Variants in XPA observed in about 807,000 individuals in gnomAD.
XPA encodes XPA, DNA damage recognition and repair factor, also known as DNA repair protein complementing XP-A cells.
A neutral mutation model predicts 35.7 loss-of-function variants in XPA; 27 were observed. That is an observed-to-expected ratio of 0.76 (90% CI 0.56 to 1.04). The LOEUF (loss-of-function observed/expected upper bound fraction) is 1.04, where lower values mean the gene tolerates loss of function less well. XPA is among the 50% of genes least tolerant of loss of function. The pLI is 0.00. For missense variants in XPA, 354 were observed against 342.7 expected, an observed-to-expected ratio of 1.03 and a Z score of -0.26; for synonymous variants, 133 against 118.4, an observed-to-expected ratio of 1.12 and a Z score of -0.80.
chr9:97,683,038 A>G (rs1828594055), intron 5 of XPA, among the ~76,000 whole-genome samples: 1 of 152,196 alleles, frequency 6.6e-6, no homozygotes, highest in African/African-American at 2.4e-5. Context: ...CCCTCGTTTT[A>G]AAAAATATTT....
intron 2 of XPA, among the ~76,000 whole-genome samples, chr9:97,693,167 A>C (rs1828943299): frequency 1.3e-5 from 2 of 152,140 alleles, no homozygotes; most frequent in Non-Finnish European, 2.9e-5. Flanking sequence ...CTCACTGTGA[A>C]GATATGTGTA....
downstream of XPA, among the ~76,000 whole-genome samples, chr9:97,674,630 T>G (rs1203663024): frequency 6.6e-6 from 1 of 152,140 alleles, no homozygotes; most frequent in Non-Finnish European, 1.5e-5. Flanking sequence ...GATGTGAGAC[T>G]TCACCTTCCT....
the XPA span, chr9:97,664,440 C>T: frequency 6.3e-7 from 1 of 1,586,878 alleles, no homozygotes; most frequent in Non-Finnish European, 8.6e-7. Flanking sequence ...CGTGACTTTA[C>T]CAGGTAATAT....
chr9:97,656,185 C>A, the XPA span: 1 of 950,844 alleles, frequency 1.1e-6, no homozygotes. Flanking sequence ...TCAAAATCCA[C>A]TTACTCATCT....
the XPA span, chr9:97,664,453 AT>A: frequency 6.4e-7 from 1 of 1,558,910 alleles, no homozygotes; most frequent in Non-Finnish European, 8.8e-7. Flanking sequence ...GGTAATATAA[AT>A]TATTTTATGA....
Position 97,697,106 on chromosome 9 carries a change from G to A in XPA, c.172+15C>T, listed in dbSNP as rs1047926343. ...GCGGGGAGAGGGAAGGGGAAAGCGCGGACGCGGCCCAAACCTCCAGTAGCC... is the reference window on the plus strand; with the variant it reads ...GCGGGGAGAGGGAAGGGGAAAGCGCAGACGCGGCCCAAACCTCCAGTAGCC... On this transcript the variant is annotated intron_variant, in intron 1 of 5. Transcript: ENST00000375128. The A allele has an allele frequency of 2.6e-6, 4 of 1,530,274 alleles. No individual in the cohort carries two copies. The highest frequency in any genetic ancestry group is 2.5e-5 in the East Asian group (1 of 40,164). The allele number at this position is 1,530,274 out of a possible 1,614,324, so 94.8% of individuals were successfully genotyped here. A position where few individuals can be genotyped will look rare whatever the true frequency, so the allele number is the denominator to read the frequency against.
downstream of XPA, chr9:97,671,372 A>G (rs374209045): frequency 3.7e-6 from 2 of 544,868 alleles, no homozygotes; most frequent in East Asian, 6.2e-5. Context: ...CCTGAAAAGC[A>G]AATACTTCCT....
rs979730863 is a variant in XPA at position 97,675,241 on chromosome 9, C to T, written c.*198G>A. On this transcript the variant is annotated 3_prime_UTR_variant, in exon 6 of 6. Transcript: ENST00000375128. ...GCAATCACAGACATGACATTGTGCA[C>T]ACAACCAGGCCAGGTGACCTTCACT... 10 of 695,172 alleles carry T rather than the reference C, an allele frequency of 1.4e-5. No homozygotes were observed. Among genetic ancestry groups the T allele is most frequent in the Admixed American group, 6.2e-5 (3 of 48,464 alleles). The allele number at this position is 695,172 out of a possible 1,614,324, so 43.1% of individuals were successfully genotyped here. A position where few individuals can be genotyped will look rare whatever the true frequency, so the allele number is the denominator to read the frequency against.
chr9:97,669,596 T>C, the XPA span: 1 of 1,602,344 alleles, frequency 6.2e-7, no homozygotes, highest in Non-Finnish European at 8.6e-7. Flanking sequence ...TTTCCAGCGG[T>C]TTATCATGAT....
At chr9:97,663,516 ACT>A in the XPA span, among the ~76,000 whole-genome samples, 8 of 151,846 alleles carry the variant, frequency 5.3e-5, no homozygotes, top group African/African-American at 1.5e-4. Flanking sequence ...ACAGAGTCTC[ACT>A]CTGTCACCCA....
intron 5 of XPA, among the ~76,000 whole-genome samples, chr9:97,677,588 TG>T (rs1290210074): frequency 6.6e-6 from 1 of 152,052 alleles, no homozygotes; most frequent in Non-Finnish European, 1.5e-5. Context: ...CCCAGCTACT[TG>T]GGAGGCTGAA....
chr9:97,687,009 C>T, intron 4 of XPA, 87 bp downstream of exon 4: 16 of 1,395,642 alleles, frequency 1.1e-5, no homozygotes, highest in Non-Finnish European at 1.6e-5. Context: ...TTTCCACACT[C>T]TGTAAGCAAA....
In XPA at chr9:97,693,672, A is replaced by G; in HGVS notation, c.260T>C (p.Ile87Thr). 2.5e-6 allele frequency: 4 copies of G among 1,613,422 alleles called. No homozygotes were observed. Among genetic ancestry groups the G allele is most frequent in the Non-Finnish European group, 3.4e-6 (4 of 1,179,902 alleles). ...LEEEEEEEQK[I>T]GKVVHQPGPV... ...ACCTGGTTGATGAACAACTTTTCCA[A>G]TTTTCTGTTCTTCTTCTTCTTCCTC... Residue 87 changes from isoleucine to threonine, a missense_variant, in exon 2 of 6, where the codon ATT becomes ACT. Physicochemically the swap from Ile to Thr is moderately conservative, Grantham distance 89. Coordinates refer to ENST00000375128, the MANE Select transcript of XPA (RefSeq NM_000380.4).
chr9:97,669,086 G>A, the XPA span: 1 of 1,244,946 alleles, frequency 8.0e-7, no homozygotes, highest in African/African-American at 1.6e-5. Context: ...ATTTATAGAA[G>A]AGATTAAAAA....
intron 5 of XPA, among the ~76,000 whole-genome samples, chr9:97,683,447 CCT>C (rs1305695417): frequency 6.6e-6 from 1 of 152,128 alleles, no homozygotes; most frequent in Non-Finnish European, 1.5e-5. Flanking sequence ...TTACAGGAAA[CCT>C]CTCTACAAAG....
Position 97,687,466 on chromosome 9 carries a change from G to C in XPA, c.390-205C>G, listed in dbSNP as rs3176678. Among the ~76,000 whole-genome samples, 107 of 152,216 alleles carry C rather than the reference G, an allele frequency of 7.0e-4. 1 individual carries two copies. Among genetic ancestry groups the C allele is most frequent in the Admixed American group, 3.1e-3 (48 of 15,290 alleles). ...TTATTCTGGTAAGTTACATTATCTA[G>C]AGAAAAAAACATTCCTAGCAAAGGG... On this transcript the variant is annotated intron_variant, in intron 3 of 5. Transcript: ENST00000375128.
At chr9:97,656,139 T>A in the XPA span, 1 of 1,368,418 alleles carries the variant, frequency 7.3e-7, no homozygotes. Flanking sequence ...TTCTTTCTCT[T>A]CTCTGCACTT....
At chr9:97,681,192 T>C (rs1329070445) in intron 5 of XPA, among the ~76,000 whole-genome samples, 1 of 152,202 alleles carries the variant, frequency 6.6e-6, no homozygotes, top group Non-Finnish European at 1.5e-5. Flanking sequence ...CCAATGCTGC[T>C]TCTGAGGTAA....
the XPA span, among the ~76,000 whole-genome samples, chr9:97,664,787 C>G: frequency 0.024 from 3,657 of 152,184 alleles, 135 homozygotes; most frequent in East Asian, 0.13. Flanking sequence ...AGGGTTCCAG[C>G]TTCAGTGGGG....
Sources: allele counts gnomAD v4.1 joint callset (sites outside exome capture counted in the v4.1 genomes callset), GRCh38; gene constraint gnomAD v4.1.1; transcripts MANE v1.5; gene names NCBI Gene and HGNC (gene_info 2026-07-23, HGNC 2026-07-21).